Variants in ARSF observed in about 807,000 individuals in gnomAD.
ARSF encodes arylsulfatase F.
Under a neutral mutation model 35.4 loss-of-function variants are expected in ARSF, and 33 were observed. The observed-to-expected ratio is 0.93, with a 90% CI of 0.71 to 1.25. ARSF has a LOEUF of 1.25. ARSF is among the 50% of genes most tolerant of loss of function. ARSF has a pLI of 0.00. For missense variants in ARSF, 501 were observed against 480.2 expected (o/e 1.04, Z -0.40); for synonymous variants, 222 against 193.1 (o/e 1.15, Z -1.24).
At position 3,076,560 on chromosome X, in the gene ARSF, C is replaced by A. The variant is rs758361610; in HGVS notation, c.174C>A (p.Ile58=). Residue 58 remains isoleucine, a synonymous_variant, in exon 4 of 11, where the codon ATC becomes ATA. Coordinates refer to ENST00000381127, the MANE Select transcript of ARSF (RefSeq NM_001201539.2). ...YGNDTMRTPH[I]DRLAREGVRL... Reference sequence around the variant, plus strand: ...TCTCCCCCTTCAGGACGCCTCACATCGACCGCCTTGCCAGGGAAGGCGTGC... The same window carrying A: ...TCTCCCCCTTCAGGACGCCTCACATAGACCGCCTTGCCAGGGAAGGCGTGC... The A allele has an allele frequency of 2.2e-5, 26 of 1,203,273 alleles. No individual in the cohort carries two copies. Among genetic ancestry groups the A allele is most frequent in the Non-Finnish European group, 2.9e-5 (26 of 892,529 alleles).
intron 5 of ARSF, among the ~76,000 whole-genome samples, chrX:3,082,189 G>A (rs1360608412): frequency 8.9e-6 from 1 of 111,850 alleles, no homozygotes; most frequent in Non-Finnish European, 1.9e-5. Context: ...CATTCAAGGT[G>A]TGGTACGTTT....
intron 5 of ARSF, among the ~76,000 whole-genome samples, chrX:3,081,545 C>T (rs1272047382): frequency 9.0e-6 from 1 of 110,926 alleles, no homozygotes; most frequent in African/African-American, 3.3e-5. Flanking sequence ...TCATGTTGGC[C>T]AGGCTGGTCT....
chrX:3,093,014 T>C (rs1225526852), intron 7 of ARSF, among the ~76,000 whole-genome samples: 1 of 108,054 alleles, frequency 9.3e-6, no homozygotes, highest in East Asian at 2.8e-4. Flanking sequence ...CTACTAAATA[T>C]ACAAACACAT....
chrX:3,091,061 C>A (rs751326923), intron 7 of ARSF, among the ~76,000 whole-genome samples: 132 of 110,605 alleles, frequency 1.2e-3, no homozygotes, highest in South Asian at 6.4e-3. Flanking sequence ...TCTATAGGCA[C>A]ATGCTACTGC....
At chrX:3,077,371 G>T (rs767994964) in intron 4 of ARSF, among the ~76,000 whole-genome samples, 5 of 112,044 alleles carry the variant, frequency 4.5e-5, no homozygotes, top group African/African-American at 1.6e-4. Flanking sequence ...GGGCATGGTG[G>T]CTCATGCCTG....
chrX:3,101,236 T>G lies in ARSF; in HGVS notation c.1102+15T>G, dbSNP rs961356970. Reference sequence around the variant, plus strand: ...AATATACAAAGGTGAGGAGAGGAACTCATGCAAGTGATCTGGTGGTGAATA... The same window carrying G: ...AATATACAAAGGTGAGGAGAGGAACGCATGCAAGTGATCTGGTGGTGAATA... On this transcript the variant is annotated intron_variant, in intron 8 of 10. Transcript: ENST00000381127. 10 of 1,201,373 alleles carry G rather than the reference T, an allele frequency of 8.3e-6. 1 individual carries two copies. The highest frequency in any genetic ancestry group is 1.1e-5 in the Non-Finnish European group (10 of 890,432).
intron 7 of ARSF, among the ~76,000 whole-genome samples, chrX:3,096,365 T>C (rs777200069): frequency 1.8e-5 from 2 of 111,219 alleles, no homozygotes; most frequent in African/African-American, 6.5e-5. Flanking sequence ...CGAAGCTGAC[T>C]CATGAAAGAA....
chrX:3,060,563 T>G (rs1298080817), intron 1 of ARSF, among the ~76,000 whole-genome samples: 6 of 111,042 alleles, frequency 5.4e-5, no homozygotes, highest in African/African-American at 2.0e-4. Context: ...CTAAAAACCT[T>G]GAAAAAAGAT....
At chrX:3,107,760 T>A (rs777170629) in intron 9 of ARSF, among the ~76,000 whole-genome samples, 5 of 111,136 alleles carry the variant, frequency 4.5e-5, no homozygotes, top group South Asian at 3.8e-4. Flanking sequence ...ACTAATGGAG[T>A]GAGGTCACAT....
At chrX:3,112,056 G>T in intron 10 of ARSF, 118 bp from the exon 11 acceptor site, 1 of 550,114 alleles carries the variant, frequency 1.8e-6, no homozygotes, top group Non-Finnish European at 2.9e-6. Context: ...AACAGGCCAC[G>T]AACAGGTACC....
Position 3,100,846 on chromosome X carries a change from C to T in ARSF, c.968-241C>T, listed in dbSNP as rs773942305. On this transcript the variant is annotated intron_variant, in intron 7 of 10. Transcript: ENST00000381127. ...TCCTGACCTTGTGATCCACCCACTTCAGCCTCCCAAAGTGCTGGGATTACA... is the reference window on the plus strand; with the variant it reads ...TCCTGACCTTGTGATCCACCCACTTTAGCCTCCCAAAGTGCTGGGATTACA... Among the ~76,000 whole-genome samples the T allele has an allele frequency of 3.8e-3, 420 of 111,817 alleles. 1 individual carries two copies. The highest frequency in any genetic ancestry group is 6.4e-3 in the Non-Finnish European group (338 of 53,180).
intron 4 of ARSF, among the ~76,000 whole-genome samples, chrX:3,079,733 G>A (rs1277467203): frequency 9.2e-6 from 1 of 108,665 alleles, no homozygotes; most frequent in African/African-American, 3.3e-5. Flanking sequence ...GCTGAGGAGG[G>A]CAGATCAGTT....
chrX:3,105,110 C>T (rs1237300071), intron 9 of ARSF, among the ~76,000 whole-genome samples: 1 of 112,001 alleles, frequency 8.9e-6, no homozygotes, highest in Admixed American at 9.5e-5. Flanking sequence ...CTCCTCCAAG[C>T]CCACAGAGTT....
At chrX:3,063,576 C>A (rs2090051115) in intron 1 of ARSF, among the ~76,000 whole-genome samples, 1 of 111,853 alleles carries the variant, frequency 8.9e-6, no homozygotes, top group Non-Finnish European at 1.9e-5. Context: ...AGCCCAAAAT[C>A]TCCTTAAGCT....
At chrX:3,075,745 G>GTCTGTC (rs72237331) in intron 3 of ARSF, among the ~76,000 whole-genome samples, 1 of 104,871 alleles carries the variant, frequency 9.5e-6, no homozygotes, top group African/African-American at 3.5e-5. Flanking sequence ...CTCTCTGATT[G>GTCTGTC]TCTGTCTCTG....
chrX:3,084,760 T>C, intron 6 of ARSF, 94 bp downstream of exon 6: 1 of 855,595 alleles, frequency 1.2e-6, no homozygotes, highest in Non-Finnish European at 1.6e-6. Flanking sequence ...TAGTTTATAA[T>C]AATCTATTGT....
intron 1 of ARSF, among the ~76,000 whole-genome samples, chrX:3,063,005 A>C (rs1399860520): frequency 1.8e-5 from 2 of 111,998 alleles, no homozygotes; most frequent in Non-Finnish European, 3.8e-5. Flanking sequence ...CAACAAAAAA[A>C]GAGAATTTTA....
At chrX:3,082,784 C>A (rs1172882559) in intron 5 of ARSF, among the ~76,000 whole-genome samples, 1 of 110,974 alleles carries the variant, frequency 9.0e-6, no homozygotes, top group Non-Finnish European at 1.9e-5. Flanking sequence ...TAGATGCATA[C>A]TCCATAATTT....
intron 9 of ARSF, among the ~76,000 whole-genome samples, chrX:3,107,480 C>T (rs1280728046): frequency 9.0e-6 from 1 of 111,456 alleles, no homozygotes; most frequent in East Asian, 2.8e-4. Flanking sequence ...AGCAAATAGT[C>T]ATCCCTCTGA....
Sources: gnomAD v4.1 joint callset for allele counts (sites outside exome capture counted in the v4.1 genomes callset) on GRCh38, gnomAD v4.1.1 for gene constraint, MANE v1.5 for transcripts, NCBI Gene and HGNC (gene_info 2026-07-23, HGNC 2026-07-21) for gene names.